UBA2: variants seen among roughly 807,000 people sequenced by gnomAD.
UBA2 encodes ubiquitin like modifier activating enzyme 2, also known as SUMO-activating enzyme subunit 2.
UBA2 carries 11 observed loss-of-function variants against 77.2 expected under a neutral mutation model. The observed-to-expected ratio is 0.14, with a 90% CI of 0.09 to 0.24. The LOEUF is 0.24. UBA2 is among the 10% of genes least tolerant of loss of function. The pLI, the probability that UBA2 is intolerant of heterozygous loss-of-function variation, is 1.00. For synonymous variants in UBA2, 278 were observed against 276.7 expected (o/e 1.00, Z -0.05); for missense variants, 487 against 781.7 (o/e 0.62, Z 4.50).
chr19:34,434,389 T>C (rs1276748204), intron 4 of UBA2, among the ~76,000 whole-genome samples: 2 of 152,212 alleles, frequency 1.3e-5, no homozygotes, highest in Non-Finnish European at 2.9e-5. Context: ...ATGCTGAGAT[T>C]ATGGGCATGA....
At chr19:34,429,239 T>C in intron 1 of UBA2, 1 of 985,436 alleles carries the variant, frequency 1.0e-6, no homozygotes, top group Non-Finnish European at 1.2e-6. Context: ...CTCGCTTGTT[T>C]CATTAAAGAC....
chr19:34,446,926 C>A (rs1305773010), intron 8 of UBA2, among the ~76,000 whole-genome samples: 1 of 152,068 alleles, frequency 6.6e-6, no homozygotes, highest in Non-Finnish European at 1.5e-5. Flanking sequence ...CTTTCTTATC[C>A]CTATTGCATT....
chr19:34,459,412 C>A (rs1281149527), intron 13 of UBA2, among the ~76,000 whole-genome samples: 1 of 152,062 alleles, frequency 6.6e-6, no homozygotes, highest in Non-Finnish European at 1.5e-5. Flanking sequence ...GTGCCCACTC[C>A]CAGCAAATTA....
chr19:34,449,776 G>T (rs73584613), intron 8 of UBA2, among the ~76,000 whole-genome samples: 8 of 152,040 alleles, frequency 5.3e-5, no homozygotes, highest in Non-Finnish European at 1.2e-4. Context: ...TAAAGATATC[G>T]CAGTTCAGAA....
chr19:34,428,964 C>G (rs1332631071), intron 1 of UBA2: 1 of 986,430 alleles, frequency 1.0e-6, no homozygotes, highest in Non-Finnish European at 1.2e-6. Flanking sequence ...CCTGTCGTAA[C>G]TCCGAAGTAA....
chr19:34,468,511 T>G (rs1000341773), intron 16 of UBA2, among the ~76,000 whole-genome samples: 1 of 152,238 alleles, frequency 6.6e-6, no homozygotes, highest in Admixed American at 6.5e-5. Flanking sequence ...AAACCACCTT[T>G]AGTATCAGTT....
At position 34,428,383 on chromosome 19, in the gene UBA2, G is replaced by A; in HGVS notation, c.-50G>A. On this transcript the variant is annotated 5_prime_UTR_variant, in exon 1 of 17. Transcript: ENST00000246548. ...CCTTCCCCCACCCGCTTCCGGCCGC[G>A]GCTCGGTTCTCCCGCCTCCGCCTCC... is the stretch of plus-strand genomic sequence containing the variant. The A allele has an allele frequency of 1.6e-6, 2 of 1,231,258 alleles. No individual in the cohort carries two copies. Among genetic ancestry groups the A allele is most frequent in the Non-Finnish European group, 2.0e-6 (2 of 986,574 alleles). 76.3% of individuals were successfully genotyped at this position (1,231,258 alleles called of 1,614,324 possible).
chr19:34,441,192 A>T (rs2075365089), intron 6 of UBA2, among the ~76,000 whole-genome samples: 1 of 152,154 alleles, frequency 6.6e-6, no homozygotes, highest in Admixed American at 6.5e-5. Context: ...GAGGTGGCTC[A>T]CGCCTGTAAT....
Position 34,470,017 on chromosome 19 carries a change from G to A in UBA2, c.*796G>A, listed in dbSNP as rs1362971123. On this transcript the variant is annotated 3_prime_UTR_variant, in exon 17 of 17. Coordinates refer to ENST00000246548, the MANE Select transcript of UBA2 (RefSeq NM_005499.3). Reference sequence around the variant, plus strand: ...TGCCTGTAATCCCAGCACTTTGGAAGGCTGAGGCAGGTGGATCACCTGAGG... The same window carrying A: ...TGCCTGTAATCCCAGCACTTTGGAAAGCTGAGGCAGGTGGATCACCTGAGG... 6.6e-6 allele frequency: 1 copy of A among 151,888 alleles called. No homozygotes were observed. Among genetic ancestry groups the A allele is most frequent in the South Asian group, 2.1e-4 (1 of 4,814 alleles). 9.4% of individuals were successfully genotyped at this position (151,888 alleles called of 1,614,324 possible).
intron 2 of UBA2, among the ~76,000 whole-genome samples, chr19:34,430,913 A>G (rs1375610220): frequency 6.6e-6 from 1 of 152,136 alleles, no homozygotes; most frequent in Non-Finnish European, 1.5e-5. Flanking sequence ...TGCTTTGCTT[A>G]GGATGCACCT....
intron 14 of UBA2, among the ~76,000 whole-genome samples, chr19:34,460,779 C>G (rs2075622473): frequency 6.6e-6 from 1 of 152,172 alleles, no homozygotes; most frequent in Non-Finnish European, 1.5e-5. Context: ...CTGCAGTGCT[C>G]TTGTCCACTT....
At chr19:34,450,407 AT>A (rs749748328) in intron 9 of UBA2, 43 bp downstream of exon 9, 3 of 1,400,550 alleles carry the variant, frequency 2.1e-6, no homozygotes, top group Non-Finnish European at 3.0e-6. Flanking sequence ...AGCTGGAAAT[AT>A]CCTCGCGTAA....
chr19:34,456,320 C>T (rs1239268348), intron 12 of UBA2, among the ~76,000 whole-genome samples: 1 of 150,718 alleles, frequency 6.6e-6, no homozygotes, highest in African/African-American at 2.4e-5. Context: ...TCACCTGTTG[C>T]CCAGATTGGT....
rs900546325 is a variant in UBA2 at position 34,470,082 on chromosome 19, C to G, written c.*861C>G. ...CCAACCTGGTCAACATGGTGAAACC[C>G]CATCTCTACTAAAAAAAAAAAAAAA... is the stretch of plus-strand genomic sequence containing the variant. On this transcript the variant is annotated 3_prime_UTR_variant, in exon 17 of 17. Transcript: ENST00000246548. 7.2e-6 allele frequency: 1 copy of G among 138,984 alleles called. No individual in the cohort carries two copies. Among genetic ancestry groups the G allele is most frequent in the African/African-American group, 2.7e-5 (1 of 37,116 alleles). 8.6% of individuals were successfully genotyped at this position (138,984 alleles called of 1,614,324 possible).
At chr19:34,452,282 T>C in intron 10 of UBA2, 135 bp downstream of exon 10, 1 of 779,068 alleles carries the variant, frequency 1.3e-6, no homozygotes, top group East Asian at 2.8e-5. Context: ...TTGGATATTT[T>C]CAGCTCTAAT....
At chr19:34,460,652 TACTC>T in intron 14 of UBA2, 86 bp downstream of exon 14, 3 of 979,416 alleles carry the variant, frequency 3.1e-6, no homozygotes, top group Non-Finnish European at 4.6e-6. Flanking sequence ...CTGTATGTGA[TACTC>T]AGTATTGCAG....
Position 34,443,998 on chromosome 19 carries a change from T to TGCTATATG in UBA2, c.649+88_649+95dup, listed in dbSNP as rs1339461080. On this transcript the variant is annotated intron_variant, in intron 7 of 16. Coordinates refer to ENST00000246548, the MANE Select transcript of UBA2 (RefSeq NM_005499.3). ...TTTTGGTAGCTTAAGGGAAAAAAAT[T>TGCTATATG]GCTATATGTGCTAGGTAATGTGTGT... is the stretch of plus-strand genomic sequence containing the variant. 6 of 779,140 alleles carry TGCTATATG rather than the reference T, an allele frequency of 7.7e-6. No individual in the cohort carries two copies. The East Asian group carries it at 1.6e-4, about 20-fold the overall frequency. The allele number at this position is 779,140 out of a possible 1,614,324, so 48.3% of individuals were successfully genotyped here.
intron 14 of UBA2, among the ~76,000 whole-genome samples, chr19:34,463,287 TC>T: frequency 6.6e-6 from 1 of 152,054 alleles, no homozygotes; most frequent in Non-Finnish European, 1.5e-5. Context: ...CTCAGTTTGG[TC>T]CCCCTGAAGT....
intron 2 of UBA2, 84 bp downstream of exon 2, chr19:34,430,743 G>A: frequency 5.1e-6 from 5 of 974,296 alleles, no homozygotes; most frequent in South Asian, 2.9e-5. Context: ...TCATATAGGA[G>A]GGAAAAAATG....
Sources: gnomAD v4.1 joint callset for allele counts (sites outside exome capture counted in the v4.1 genomes callset) on GRCh38, gnomAD v4.1.1 for gene constraint, MANE v1.5 for transcripts, NCBI Gene and HGNC (gene_info 2026-07-23, HGNC 2026-07-21) for gene names.